The following MALRD1 variants were observed in gnomAD, a reference collection of about 807,000 sequenced individuals.
The protein encoded by MALRD1 is MAM and LDL receptor class A domain containing 1.
MALRD1 carries 247 observed loss-of-function variants against 242.1 expected under a neutral mutation model. The observed-to-expected ratio is 1.02, with a 90% CI of 0.92 to 1.13. MALRD1 has a LOEUF of 1.13. Among genes scored for constraint, MALRD1 ranks in the 50% most tolerant of loss-of-function variants. The pLI, the probability that MALRD1 is intolerant of heterozygous loss-of-function variation, is 0.00. For synonymous variants in MALRD1, 995 were observed against 866.6 expected (o/e 1.15, Z -2.60); for missense variants, 2,989 against 2,533.1 (o/e 1.18, Z -3.86).
At chr10:19,650,544 C>T (rs1432746151) in intron 36 of MALRD1, among the ~76,000 whole-genome samples, 4 of 152,012 alleles carry the variant, frequency 2.6e-5, no homozygotes, top group Non-Finnish European at 5.9e-5. Flanking sequence ...TTTTCTGTAA[C>T]TTCGTTAGGT....
intron 14 of MALRD1, among the ~76,000 whole-genome samples, chr10:19,187,442 T>C (rs745357636): frequency 6.6e-6 from 1 of 152,038 alleles, no homozygotes. Flanking sequence ...TTGAGATATC[T>C]CAAAAGAAAA....
intron 14 of MALRD1, among the ~76,000 whole-genome samples, chr10:19,202,785 T>C (rs1015480154): frequency 1.3e-5 from 2 of 152,218 alleles, no homozygotes; most frequent in African/African-American, 2.4e-5. Context: ...TATACCTTTT[T>C]GCTTTACTTT....
At chr10:19,557,074 G>A (rs1029621682) in intron 32 of MALRD1, among the ~76,000 whole-genome samples, 2 of 152,046 alleles carry the variant, frequency 1.3e-5, no homozygotes, top group Non-Finnish European at 2.9e-5. Context: ...TATGCCATTA[G>A]CCATTTGAAT....
intron 38 of MALRD1, among the ~76,000 whole-genome samples, chr10:19,719,233 T>TAC (rs1441655459): frequency 1.4e-4 from 16 of 110,486 alleles, no homozygotes; most frequent in African/African-American, 3.1e-4. Context: ...CATATATATA[T>TAC]ATATATATAT....
intron 29 of MALRD1, among the ~76,000 whole-genome samples, chr10:19,477,576 T>C (rs1836797384): frequency 6.6e-6 from 1 of 152,138 alleles, no homozygotes. Context: ...CCAGAGAAAT[T>C]GTGGATGCAG....
intron 2 of MALRD1, among the ~76,000 whole-genome samples, chr10:19,072,836 A>G (rs1012539506): frequency 8.5e-5 from 13 of 152,154 alleles, no homozygotes; most frequent in African/African-American, 3.1e-4. Flanking sequence ...AAATACTTTT[A>G]GTACTTATTT....
intron 21 of MALRD1, among the ~76,000 whole-genome samples, chr10:19,317,550 C>T (rs1403932961): frequency 3.3e-5 from 5 of 151,938 alleles, no homozygotes; most frequent in African/African-American, 1.2e-4. Flanking sequence ...CTAAAACAGC[C>T]TAAGTTAGCA....
At chr10:19,226,832 G>A (rs139992142) in intron 18 of MALRD1, among the ~76,000 whole-genome samples, 138 of 151,984 alleles carry the variant, frequency 9.1e-4, no homozygotes, top group Middle Eastern at 3.4e-3. Context: ...GTTGTAGGAT[G>A]AAAGATCAAT....
chr10:19,633,531 C>T (rs1163398720), intron 36 of MALRD1, among the ~76,000 whole-genome samples: 1 of 152,118 alleles, frequency 6.6e-6, no homozygotes, highest in East Asian at 1.9e-4. Flanking sequence ...ATATACAAAT[C>T]CTACAGACAG....
At chr10:19,403,646 C>T (rs1410311386) in intron 28 of MALRD1, among the ~76,000 whole-genome samples, 1 of 152,000 alleles carries the variant, frequency 6.6e-6, no homozygotes, top group East Asian at 1.9e-4. Flanking sequence ...TTCTTTTCAT[C>T]AGCATTCATG....
At chr10:19,331,265 A>G in intron 23 of MALRD1, 104 bp from the exon 24 acceptor site, 1 of 999,270 alleles carries the variant, frequency 1.0e-6, no homozygotes, top group East Asian at 2.6e-5. Flanking sequence ...AAAAAAACAA[A>G]CAACAAAAAA....
At chr10:19,666,202 C>A (rs1295948697) in intron 36 of MALRD1, among the ~76,000 whole-genome samples, 1 of 152,152 alleles carries the variant, frequency 6.6e-6, no homozygotes, top group Non-Finnish European at 1.5e-5. Flanking sequence ...TATTTATTTC[C>A]ATTCCTGTAA....
At position 19,311,105 on chromosome 10, in the gene MALRD1, A is replaced by C. The variant is rs1454242834; in HGVS notation, c.3420-12844A>C. On this transcript the variant is annotated intron_variant, in intron 21 of 39. Coordinates refer to ENST00000454679, the MANE Select transcript of MALRD1 (RefSeq NM_001142308.3). ...TTAAGGAGATGCTGAAGACAAGGGC[A>C]AAAGAGATACAGTAACAATAATAAC... is the stretch of plus-strand genomic sequence containing the variant. Among the ~76,000 whole-genome samples, 16 of 151,534 alleles carry C rather than the reference A, an allele frequency of 1.1e-4. 1 individual carries two copies.
chr10:19,721,545 C>T (rs1834753952), intron 38 of MALRD1: 1 of 152,056 alleles, frequency 6.6e-6, no homozygotes, highest in East Asian at 1.9e-4. Context: ...GGAAACATCT[C>T]TCCCTAGTAG....
chr10:19,320,485 G>A (rs910688894), intron 21 of MALRD1, among the ~76,000 whole-genome samples: 1 of 152,014 alleles, frequency 6.6e-6, no homozygotes, highest in Non-Finnish European at 1.5e-5. Flanking sequence ...GGGAATTTGG[G>A]TTGGTTCCAA....
At chr10:19,306,953 T>C (rs543661064) in intron 21 of MALRD1, among the ~76,000 whole-genome samples, 2 of 151,490 alleles carry the variant, frequency 1.3e-5, no homozygotes, top group East Asian at 2.0e-4. Context: ...GTGGGGATTA[T>C]GGGAACTACA....
chr10:19,656,036 TTAAGTG>T (rs1841139856), intron 36 of MALRD1, among the ~76,000 whole-genome samples: 1 of 152,152 alleles, frequency 6.6e-6, no homozygotes, highest in African/African-American at 2.4e-5. Context: ...ATCTCAGAGT[TTAAGTG>T]TAAGGATTAA....
intron 34 of MALRD1, among the ~76,000 whole-genome samples, chr10:19,597,679 G>A (rs190167716): frequency 7.7e-4 from 118 of 152,276 alleles, no homozygotes; most frequent in Non-Finnish European, 1.4e-3. Context: ...TCAGAGCTCA[G>A]GCTGAAGATG....
At chr10:19,206,376 TG>T (rs1836784163) in intron 17 of MALRD1, among the ~76,000 whole-genome samples, 1 of 152,180 alleles carries the variant, frequency 6.6e-6, no homozygotes, top group African/African-American at 2.4e-5. Context: ...ATAATTAAAA[TG>T]GTGATTTTGA....
Sources: gnomAD v4.1 joint callset for allele counts (sites outside exome capture counted in the v4.1 genomes callset) on GRCh38, gnomAD v4.1.1 for gene constraint, MANE v1.5 for transcripts, NCBI Gene and HGNC (gene_info 2026-07-23, HGNC 2026-07-21) for gene names.